OLFM3: variants seen among roughly 807,000 people sequenced by gnomAD.
OLFM3 encodes olfactomedin 3, also known as noelin-3.
A neutral mutation model predicts 48.6 loss-of-function variants in OLFM3; 20 were observed. That is an observed-to-expected ratio of 0.41 (90% CI 0.29 to 0.60). The LOEUF is 0.60. Among genes scored for constraint, OLFM3 ranks in the 20% least tolerant of loss-of-function variants. OLFM3 has a pLI of 0.28. For missense variants in OLFM3, 437 were observed against 544.3 expected (o/e 0.80, Z 1.96); for synonymous variants, 222 against 198.1 (o/e 1.12, Z -1.01).
intron 1 of OLFM3, among the ~76,000 whole-genome samples, chr1:101,963,211 G>A (rs553005245): frequency 6.6e-6 from 1 of 152,266 alleles, no homozygotes; most frequent in South Asian, 2.1e-4. Flanking sequence ...TGCCACCCAT[G>A]GTGTGTGGGA....
chr1:101,930,918 G>T (rs1421007636), intron 1 of OLFM3, among the ~76,000 whole-genome samples: 2 of 152,146 alleles, frequency 1.3e-5, no homozygotes, highest in Non-Finnish European at 2.9e-5. Context: ...GGGACCTAAA[G>T]GAATCATTTA....
At chr1:101,917,187 T>C (rs1353595797) in intron 1 of OLFM3, among the ~76,000 whole-genome samples, 1 of 152,190 alleles carries the variant, frequency 6.6e-6, no homozygotes, top group African/African-American at 2.4e-5. Context: ...AAGATCACAG[T>C]GATTATTAAT....
intron 1 of OLFM3, among the ~76,000 whole-genome samples, chr1:101,966,453 G>C (rs1337216897): frequency 6.6e-6 from 1 of 152,112 alleles, no homozygotes. Context: ...GATTACAGGC[G>C]TGAGCCACTG....
intron 1 of OLFM3, among the ~76,000 whole-genome samples, chr1:101,996,027 A>G (rs950447563): frequency 4.6e-5 from 7 of 152,158 alleles, no homozygotes; most frequent in African/African-American, 1.7e-4. Context: ...TTTCATTGCC[A>G]GTACTAGATA....
intron 1 of OLFM3, among the ~76,000 whole-genome samples, chr1:101,901,597 G>A (rs1453886018): frequency 3.3e-5 from 5 of 151,980 alleles, no homozygotes; most frequent in Admixed American, 3.3e-4. Flanking sequence ...ATACCAACTA[G>A]GAGGCTATCG....
chr1:101,854,058 A>G (rs2100952482), intron 1 of OLFM3, among the ~76,000 whole-genome samples: 1 of 152,174 alleles, frequency 6.6e-6, no homozygotes, highest in East Asian at 1.9e-4. Flanking sequence ...GACGTATGGT[A>G]TGTAGAGAAT....
In OLFM3 at chr1:101,804,257, T is replaced by A. The variant is rs1350736337; in HGVS notation, c.1358A>T (p.Lys453Met). ...LFNVTLFHII[K>M]TEDDT ...ATTTGCCTATGTGTCATCCTCTGTC[T>A]TGATGATATGGAAAAGGGTGACATT... Residue 453 changes from lysine (K) to methionine (M), a missense_variant, in exon 6 of 6, where the codon AAG becomes ATG. Lys to Met is a moderately conservative substitution (Grantham distance 95). Transcript: ENST00000370103. This position sits in a 1 kb window ranked among gnomAD's most constrained non-coding sequence, Gnocchi z 4.5. 6.3e-6 allele frequency: 10 copies of A among 1,599,114 alleles called. No individual in the cohort carries two copies. The highest frequency in any genetic ancestry group is 8.5e-6 in the Non-Finnish European group (10 of 1,172,774).
At chr1:101,943,893 A>G (rs930596593) in intron 1 of OLFM3, among the ~76,000 whole-genome samples, 1 of 143,790 alleles carries the variant, frequency 7.0e-6, no homozygotes, top group Non-Finnish European at 1.5e-5. Context: ...GAAATCCAAT[A>G]GCCTCTTATT....
intron 3 of OLFM3, 97 bp from the exon 4 acceptor site, chr1:101,825,342 G>A: frequency 1.1e-6 from 1 of 946,074 alleles, no homozygotes; most frequent in Non-Finnish European, 1.6e-6. Context: ...TATTAAAACA[G>A]CTTCAACATT....
intron 2 of OLFM3, among the ~76,000 whole-genome samples, chr1:101,831,066 T>G (rs1047277735): frequency 2.0e-5 from 3 of 152,198 alleles, no homozygotes; most frequent in Non-Finnish European, 4.4e-5. Context: ...TAGAACTGAC[T>G]GAATATAAAT....
At chr1:101,913,281 TC>T (rs1418195447) in intron 1 of OLFM3, among the ~76,000 whole-genome samples, 2 of 152,200 alleles carry the variant, frequency 1.3e-5, no homozygotes, top group African/African-American at 4.8e-5. Context: ...TGAAACTGGA[TC>T]AGCAAAGTTT....
chr1:101,908,665 G>A (rs1023398987), intron 1 of OLFM3, among the ~76,000 whole-genome samples: 1 of 152,286 alleles, frequency 6.6e-6, no homozygotes, highest in Admixed American at 6.5e-5. Context: ...ATGTAATTAA[G>A]TGAAAGATCT....
chr1:101,926,721 A>G (rs1659280248), intron 1 of OLFM3, among the ~76,000 whole-genome samples: 1 of 152,168 alleles, frequency 6.6e-6, no homozygotes. Context: ...GTCATTTCTG[A>G]TGTCATCATG....
At chr1:101,858,907 C>T (rs1656536246) in intron 1 of OLFM3, among the ~76,000 whole-genome samples, 1 of 151,990 alleles carries the variant, frequency 6.6e-6, no homozygotes, top group African/African-American at 2.4e-5. Context: ...CAGTCATTAA[C>T]TGTTAGTGAT....
chr1:101,882,101 A>T (rs1485721979), intron 1 of OLFM3, among the ~76,000 whole-genome samples: 1 of 151,220 alleles, frequency 6.6e-6, no homozygotes, highest in Non-Finnish European at 1.5e-5. Context: ...ACACAGACAC[A>T]CACACATACA....
chr1:101,836,079 T>C (rs1245640991), intron 2 of OLFM3, among the ~76,000 whole-genome samples: 1 of 152,218 alleles, frequency 6.6e-6, no homozygotes, highest in African/African-American at 2.4e-5. Flanking sequence ...TTGTTAAGCA[T>C]GATGTCCTCT....
At chr1:101,855,069 CA>C (rs1344486199) in intron 1 of OLFM3, among the ~76,000 whole-genome samples, 1 of 152,004 alleles carries the variant, frequency 6.6e-6, no homozygotes, top group Non-Finnish European at 1.5e-5. Context: ...AGTAAATTAA[CA>C]ATATAAAATT....
At chr1:101,891,732 A>G (rs1658006928) in intron 1 of OLFM3, among the ~76,000 whole-genome samples, 1 of 151,992 alleles carries the variant, frequency 6.6e-6, no homozygotes, top group African/African-American at 2.4e-5. Context: ...TTAGTGGCCA[A>G]ATCTCCAATG....
intron 1 of OLFM3, among the ~76,000 whole-genome samples, chr1:101,924,024 T>C (rs1004931339): frequency 6.6e-6 from 1 of 152,154 alleles, no homozygotes; most frequent in Admixed American, 6.5e-5. Context: ...AGTAAACCAT[T>C]GTTGAGAACT....
Sources: gnomAD v4.1 joint callset for allele counts (sites outside exome capture counted in the v4.1 genomes callset) on GRCh38, gnomAD v4.1.1 for gene constraint, Gnocchi (gnomAD v3.1) non-coding constraint, MANE v1.5 for transcripts, NCBI Gene and HGNC (gene_info 2026-07-23, HGNC 2026-07-21) for gene names.